ETV6: variants seen among roughly 807,000 people sequenced by gnomAD.
ETV6 encodes the protein ETS variant transcription factor 6, also known as transcription factor ETV6.
A neutral mutation model predicts 51.1 loss-of-function variants in ETV6; 16 were observed. That is an observed-to-expected ratio of 0.31 (90% confidence interval 0.21 to 0.48). ETV6 has a LOEUF of 0.48. Among genes scored for constraint, ETV6 ranks in the 20% least tolerant of loss-of-function variants. The pLI, the probability that ETV6 is intolerant of heterozygous loss-of-function variation, is 0.99. For synonymous variants in ETV6, 240 were observed against 224.1 expected (o/e 1.07, Z -0.64); for missense variants, 458 against 594.8 (o/e 0.77, Z 2.39).
intron 4 of ETV6, among the ~76,000 whole-genome samples, chr12:11,855,712 A>T (rs992519541): frequency 1.3e-5 from 2 of 152,154 alleles, no homozygotes; most frequent in Admixed American, 1.3e-4. Flanking sequence ...CGCTTCCGTG[A>T]TGGAGAACGA....
intron 4 of ETV6, among the ~76,000 whole-genome samples, chr12:11,861,067 C>T (rs995440937): frequency 2.6e-5 from 4 of 152,306 alleles, no homozygotes; most frequent in Non-Finnish European, 5.9e-5. Context: ...CAGTATCTGG[C>T]GAGCGCTGGG....
intron 1 of ETV6, among the ~76,000 whole-genome samples, chr12:11,709,906 A>G (rs112433918): frequency 0.014 from 2,059 of 152,280 alleles, 21 homozygotes; most frequent in Non-Finnish European, 0.022. Context: ...AGTTCCTTAA[A>G]ATAAATATCT....
chr12:11,832,535 AT>A (rs1946260022), intron 2 of ETV6, among the ~76,000 whole-genome samples: 1 of 152,210 alleles, frequency 6.6e-6, no homozygotes, highest in Non-Finnish European at 1.5e-5. Flanking sequence ...GCTGGGGAAA[AT>A]GTGGGTACGA....
chr12:11,763,635 G>A (rs549112505), intron 2 of ETV6, among the ~76,000 whole-genome samples: 2 of 152,202 alleles, frequency 1.3e-5, no homozygotes, highest in Admixed American at 6.5e-5. Context: ...ACGTGCTTTC[G>A]TTGGGATCGT....
intron 2 of ETV6, among the ~76,000 whole-genome samples, chr12:11,775,183 T>G (rs971438208): frequency 1.3e-5 from 2 of 152,232 alleles, no homozygotes; most frequent in Non-Finnish European, 2.9e-5. Context: ...AGGAAAAAGC[T>G]GGGCTATTGA....
intron 2 of ETV6, among the ~76,000 whole-genome samples, chr12:11,805,691 A>G (rs1407382624): frequency 2.0e-5 from 3 of 152,222 alleles, no homozygotes; most frequent in Non-Finnish European, 4.4e-5. Flanking sequence ...GCCCAGCCCA[A>G]CTGGCATTCA....
chr12:11,851,481 C>T (rs1467846757), intron 3 of ETV6, among the ~76,000 whole-genome samples: 2 of 152,142 alleles, frequency 1.3e-5, no homozygotes, highest in African/African-American at 4.8e-5. Context: ...TTATCCCCGC[C>T]TCATCAGAGA....
intron 4 of ETV6, among the ~76,000 whole-genome samples, chr12:11,860,133 G>T (rs928064095): frequency 6.6e-6 from 1 of 152,126 alleles, no homozygotes; most frequent in Non-Finnish European, 1.5e-5. Flanking sequence ...TGCAGGTCAC[G>T]CCTTGAAAGC....
rs548179445 is a variant in ETV6 at position 11,690,760 on chromosome 12, G to A, written c.33+40600G>A. On this transcript the variant is annotated intron_variant, in intron 1 of 7. Transcript: ENST00000396373. ...AAATTAGCCGGGTGTGGTGGCGGGC[G>A]CCGGTAGTCCCAGCTACTCGGGAGG... Among the ~76,000 whole-genome samples the A allele has an allele frequency of 1.2e-4, 18 of 152,012 alleles. No homozygotes were observed. In the South Asian group the frequency reaches 2.3e-3, roughly 19 times the overall value.
chr12:11,825,893 A>G (rs1019221309), intron 2 of ETV6, among the ~76,000 whole-genome samples: 1 of 143,532 alleles, frequency 7.0e-6, no homozygotes, highest in Non-Finnish European at 1.5e-5. Context: ...GCTGGAGTGC[A>G]GTGGTATAAT....
intron 2 of ETV6, among the ~76,000 whole-genome samples, chr12:11,767,050 A>G (rs113083483): frequency 1.5e-3 from 229 of 152,330 alleles, no homozygotes; most frequent in African/African-American, 5.4e-3. Flanking sequence ...AGGCTAGGAG[A>G]AAGAAGGATG....
Position 11,690,447 on chromosome 12 carries a change from T to C in ETV6, c.33+40287T>C, listed in dbSNP as rs146721942. 3.7e-3 allele frequency among the ~76,000 whole-genome samples: 561 copies of C among 152,216 alleles called. 2 individuals are homozygous for C. The highest frequency in any genetic ancestry group is 4.0e-3 in the Non-Finnish European group (273 of 68,010). On this transcript the variant is annotated intron_variant, in intron 1 of 7. Coordinates refer to ENST00000396373, the MANE Select transcript of ETV6 (RefSeq NM_001987.5). ...ACACATTATCTTCATATTTTTATGC[T>C]GGTTGTGATGGCACACACCTGTAGT...
chr12:11,746,733 A>AT (rs1734887326), intron 1 of ETV6, among the ~76,000 whole-genome samples: 1 of 151,278 alleles, frequency 6.6e-6, no homozygotes, highest in South Asian at 2.1e-4. Flanking sequence ...AAAAAACTCA[A>AT]TGACCTTTTA....
At chr12:11,735,843 A>G (rs1206510285) in intron 1 of ETV6, among the ~76,000 whole-genome samples, 1 of 152,104 alleles carries the variant, frequency 6.6e-6, no homozygotes, top group Non-Finnish European at 1.5e-5. Context: ...CAGGTGATCC[A>G]CCCGCCTTGG....
chr12:11,690,806 G>A (rs1250916383), intron 1 of ETV6, among the ~76,000 whole-genome samples: 1 of 151,840 alleles, frequency 6.6e-6, no homozygotes, highest in African/African-American at 2.4e-5. Context: ...AGAATCGCTT[G>A]AACCTGGGAG....
At chr12:11,805,646 G>A (rs578228364) in intron 2 of ETV6, among the ~76,000 whole-genome samples, 41 of 152,332 alleles carry the variant, frequency 2.7e-4, no homozygotes, top group African/African-American at 7.7e-4. Context: ...AAGGCCCTGA[G>A]ACTGGAAGAG....
At position 11,871,405 on chromosome 12, in the gene ETV6, T is replaced by C. The variant is rs532794534; in HGVS notation, c.1009+1436T>C. 4.6e-5 allele frequency among the ~76,000 whole-genome samples: 7 copies of C among 152,230 alleles called. No homozygotes were observed. In the East Asian group the frequency reaches 1.4e-3, roughly 29 times the overall value. On this transcript the variant is annotated intron_variant, in intron 5 of 7. Transcript: ENST00000396373. The stretch of plus-strand genomic sequence containing the variant: ...CGGGGTTTCACCATGTTAGCCAGGA[T>C]GGTCTTGATCTCCTGACCTCGCGAT...
chr12:11,830,835 T>C (rs1429712894), intron 2 of ETV6, among the ~76,000 whole-genome samples: 4 of 152,174 alleles, frequency 2.6e-5, no homozygotes, highest in Non-Finnish European at 5.9e-5. Flanking sequence ...TTGAGGAGCA[T>C]TGCTAATTTG....
chr12:11,757,270 C>T (rs971143987), intron 2 of ETV6, among the ~76,000 whole-genome samples: 7 of 152,152 alleles, frequency 4.6e-5, no homozygotes, highest in African/African-American at 1.4e-4. Context: ...CTCACCCACT[C>T]GGCTGTTTTG....
Sources: allele counts gnomAD v4.1 joint callset (sites outside exome capture counted in the v4.1 genomes callset), GRCh38; gene constraint gnomAD v4.1.1; transcripts MANE v1.5; gene names NCBI Gene and HGNC (gene_info 2026-07-23, HGNC 2026-07-21).